Variants in ALPK1 observed in about 807,000 individuals in gnomAD.
ALPK1 encodes the protein alpha-protein kinase 1.
In ALPK1, 110 loss-of-function variants were observed where a neutral mutation model predicts 120.6. That is an observed-to-expected ratio of 0.91 (90% CI 0.78 to 1.07). The LOEUF (loss-of-function observed/expected upper bound fraction) is 1.07, where lower values mean the gene tolerates loss of function less well. Among genes scored for constraint, ALPK1 ranks in the 50% least tolerant of loss-of-function variants. The probability of loss-of-function intolerance (pLI) is 0.00; values close to 1 mark genes in which losing one functional copy is unlikely to be tolerated. For missense variants in ALPK1, 1,498 were observed against 1,483.9 expected (o/e 1.01, Z -0.16); for synonymous variants, 582 against 560.3 (o/e 1.04, Z -0.55).
chr4:112,300,304 G>A (rs1727729821), intron 1 of ALPK1, among the ~76,000 whole-genome samples: 1 of 152,000 alleles, frequency 6.6e-6, no homozygotes, highest in Non-Finnish European at 1.5e-5. Context: ...GTCTTACAGT[G>A]ATAGATTCTT....
chr4:112,302,224 C>T (rs1727820467), intron 1 of ALPK1: 2 of 152,270 alleles, frequency 1.3e-5, no homozygotes, highest in South Asian at 4.1e-4. Context: ...CCCCTCAGTC[C>T]TTAAGCATAA....
chr4:112,342,684 A>C (rs963200186), intron 2 of ALPK1, among the ~76,000 whole-genome samples: 9 of 152,248 alleles, frequency 5.9e-5, no homozygotes, highest in African/African-American at 2.2e-4. Flanking sequence ...ATGGACCTTC[A>C]ATCCACAGTA....
In ALPK1 at chr4:112,431,943, C is replaced by G. The variant is rs532400659; in HGVS notation, c.2396C>G (p.Pro799Arg). 6.2e-7 allele frequency: 1 copy of G among 1,614,072 alleles called. No individual in the cohort carries two copies. Among genetic ancestry groups the G allele is most frequent in the East Asian group, 2.2e-5 (1 of 44,884 alleles). The change falls in exon 11 of 16, where the codon CCC (proline) becomes CGC (arginine). Residue 799 changes from proline (P) to arginine (R), a missense_variant. Physicochemically the swap from Pro to Arg is moderately radical, Grantham distance 103 (BLOSUM62 -2). Coordinates refer to ENST00000650871, the MANE Select transcript of ALPK1 (RefSeq NM_025144.4). ...ACAGCAGAAAGCACTGAAGATGCAC[C>G]CTTAGACTTTCACAGGGTCCTGCAC... ...GETAESTEDA[P>R]LDFHRVLHNS...
chr4:112,300,345 T>C (rs1727732245), intron 1 of ALPK1, among the ~76,000 whole-genome samples: 1 of 151,992 alleles, frequency 6.6e-6, no homozygotes, highest in African/African-American at 2.4e-5. Context: ...CTACATAACA[T>C]GATATTCTTA....
intron 4 of ALPK1, 100 bp downstream of exon 4, chr4:112,382,652 C>A: frequency 1.3e-6 from 2 of 1,513,940 alleles, no homozygotes; most frequent in Non-Finnish European, 1.8e-6. Flanking sequence ...CACAAGACAG[C>A]CCCCTACCCT....
chr4:112,414,725 T>A (rs1204605508), intron 5 of ALPK1: 1 of 163,510 alleles, frequency 6.1e-6, no homozygotes, highest in East Asian at 1.6e-4. Flanking sequence ...TCCAATTCCA[T>A]CAACATGGAG....
In ALPK1 at chr4:112,430,539, C is replaced by T. The variant is rs149715169; in HGVS notation, c.992C>T (p.Ala331Val). Residue 331 changes from alanine (A) to valine (V), a missense_variant, in exon 11 of 16, where the codon GCC becomes GTC. By Grantham distance (64) the Ala-to-Val change is moderately conservative (BLOSUM62 0). Coordinates refer to ENST00000650871, the MANE Select transcript of ALPK1 (RefSeq NM_025144.4). ...KNLHLCEAKE[A>V]FEIGLLTKRD... Reference sequence around the variant, plus strand: ...TTACATCTGTGTGAAGCCAAAGAGGCCTTTGAGATTGGCCTCCTCACCAAG... The same window carrying T: ...TTACATCTGTGTGAAGCCAAAGAGGTCTTTGAGATTGGCCTCCTCACCAAG... 2.0e-5 allele frequency: 33 copies of T among 1,614,014 alleles called. No homozygotes were observed. The highest frequency in any genetic ancestry group is 2.3e-5 in the Non-Finnish European group (27 of 1,180,036).
intron 2 of ALPK1, among the ~76,000 whole-genome samples, chr4:112,324,488 TG>T (rs1474410732): frequency 2.6e-5 from 4 of 152,270 alleles, no homozygotes; most frequent in East Asian, 1.9e-4. Context: ...GTTTTGTTTT[TG>T]TTTTTTCAGA....
intron 3 of ALPK1, among the ~76,000 whole-genome samples, chr4:112,378,541 T>A (rs1302898717): frequency 1.3e-5 from 2 of 152,186 alleles, no homozygotes; most frequent in Admixed American, 1.3e-4. Context: ...GTTAAAGCAA[T>A]TCTTATGTCT....
rs376675695 is a variant in ALPK1, at chr4:112,431,572, G to A, written c.2025G>A (p.Ser675=). The change falls in exon 11 of 16, where the codon TCG becomes TCA. Residue 675 remains serine (S), a synonymous_variant. Coordinates refer to ENST00000650871, the MANE Select transcript of ALPK1 (RefSeq NM_025144.4). ...AACAGATGCCCTTGACACCCTTCTCGCCTCATAATACCCCAGGCATTTTCT... is the reference window on the plus strand; with the variant it reads ...AACAGATGCCCTTGACACCCTTCTCACCTCATAATACCCCAGGCATTTTCT... ...PQQQMPLTPF[S]PHNTPGIFLA... is the part of the protein sequence containing the mutation. 29 of 1,613,970 alleles carry A rather than the reference G, an allele frequency of 1.8e-5. No homozygotes were observed. Among genetic ancestry groups the A allele is most frequent in the Admixed American group, 3.3e-5 (2 of 59,996 alleles).
intron 3 of ALPK1, among the ~76,000 whole-genome samples, chr4:112,379,566 C>G (rs913964730): frequency 2.6e-5 from 4 of 152,228 alleles, no homozygotes; most frequent in African/African-American, 9.6e-5. Flanking sequence ...CAGGTGGCTG[C>G]GGAGCGGCTC....
chr4:112,362,858 G>A (rs1488033580), intron 2 of ALPK1, among the ~76,000 whole-genome samples: 2 of 152,134 alleles, frequency 1.3e-5, no homozygotes, highest in Non-Finnish European at 2.9e-5. Context: ...AATCTGTTAA[G>A]GAAAACTTAT....
chr4:112,369,110 A>G (rs367625928), intron 2 of ALPK1, among the ~76,000 whole-genome samples: 1 of 152,106 alleles, frequency 6.6e-6, no homozygotes, highest in Admixed American at 6.5e-5. Context: ...TTTTTGCAGC[A>G]TTTTTTATTG....
At chr4:112,363,510 T>C (rs1731004896) in intron 2 of ALPK1, among the ~76,000 whole-genome samples, 2 of 151,916 alleles carry the variant, frequency 1.3e-5, no homozygotes, top group African/African-American at 2.4e-5. Context: ...AATATCACAA[T>C]CCTAAATAAA....
chr4:112,300,381 ATATACT>A (rs1727733674), intron 1 of ALPK1, among the ~76,000 whole-genome samples: 1 of 151,782 alleles, frequency 6.6e-6, no homozygotes, highest in African/African-American at 2.4e-5. Flanking sequence ...TTATTATATA[ATATACT>A]TATATCTTTT....
At chr4:112,317,107 G>A (rs1474544495) in intron 2 of ALPK1, among the ~76,000 whole-genome samples, 1 of 152,056 alleles carries the variant, frequency 6.6e-6, no homozygotes, top group African/African-American at 2.4e-5. Flanking sequence ...TTGTTGTTGA[G>A]TTACAGTTGT....
intron 2 of ALPK1, among the ~76,000 whole-genome samples, chr4:112,332,997 G>A (rs1316538347): frequency 6.6e-6 from 1 of 152,214 alleles, no homozygotes; most frequent in Admixed American, 6.5e-5. Context: ...TTTCATGGAA[G>A]GGGCTTTTGG....
At chr4:112,326,567 T>A (rs956138097) in intron 2 of ALPK1, among the ~76,000 whole-genome samples, 2 of 152,176 alleles carry the variant, frequency 1.3e-5, no homozygotes, top group Non-Finnish European at 2.9e-5. Context: ...ACTAACAGCT[T>A]TCCATTTCCT....
chr4:112,357,696 C>A (rs1355448095), intron 2 of ALPK1: 2 of 1,584,066 alleles, frequency 1.3e-6, no homozygotes, highest in African/African-American at 1.3e-5. Flanking sequence ...CCCAGTTGAG[C>A]TCCGCGTTTG....
Sources: gnomAD v4.1 joint callset for allele counts (sites outside exome capture counted in the v4.1 genomes callset) on GRCh38, gnomAD v4.1.1 for gene constraint, MANE v1.5 for transcripts, NCBI Gene and HGNC (gene_info 2026-07-23, HGNC 2026-07-21) for gene names.